SCN9A: variants seen among roughly 807,000 people sequenced by gnomAD.
SCN9A encodes sodium voltage-gated channel alpha subunit 9.
In SCN9A, 131 loss-of-function variants were observed where a neutral mutation model predicts 187.0. The observed-to-expected ratio is 0.70, with a 90% CI of 0.61 to 0.81. The LOEUF is 0.81. Among genes scored for constraint, SCN9A ranks in the 30% least tolerant of loss-of-function variants. The pLI is 0.00. For missense variants in SCN9A, 2,252 were observed against 2,396.6 expected (o/e 0.94, Z 1.26); for synonymous variants, 809 against 808.6 (o/e 1.00, Z -0.01).
In SCN9A at chr2:166,197,770, T is replaced by A. The variant is rs199567774; in HGVS notation, c.*902A>T. On this transcript the variant is annotated 3_prime_UTR_variant, in exon 27 of 27. Coordinates refer to ENST00000642356, the MANE Select transcript of SCN9A (RefSeq NM_001365536.1). Reference sequence around the variant, plus strand: ...AGCAGGAAAATTTGACAAAAGAGTTTAAGAGACTATTATCAGTATTTTGGG... The same window carrying A: ...AGCAGGAAAATTTGACAAAAGAGTTAAAGAGACTATTATCAGTATTTTGGG... 5.3e-5 allele frequency: 8 copies of A among 152,186 alleles called. No individual in the cohort carries two copies. The highest frequency in any genetic ancestry group is 7.4e-5 in the Non-Finnish European group (5 of 68,012). 9.4% of individuals were successfully genotyped at this position (152,186 alleles called of 1,614,324 possible). A position where few individuals can be genotyped will look rare whatever the true frequency, so the allele number is the denominator to read the frequency against.
rs1429595959 is a variant in SCN9A, at chr2:166,293,340, A to G, written c.998T>C (p.Ile333Thr). 3 of 1,609,634 alleles carry G rather than the reference A, an allele frequency of 1.9e-6. No homozygotes were observed. Among genetic ancestry groups the G allele is most frequent in the Middle Eastern group, 1.7e-4 (1 of 6,056 alleles). ...GTAGCCATAATCAGGGTTTCTGCCA[A>G]TTTTCACACAGGTGTACCCCTCTGG... ...QCPEGYTCVK[I>T]GRNPDYGYTS... is the part of the protein sequence containing the mutation. The change falls in exon 9 of 27, where the codon ATT becomes ACT. Residue 333 changes from isoleucine (I) to threonine (T), a missense_variant. This residue lies in a region of SCN9A where 1,013 missense variants were observed against 997.4 expected (regional missense o/e 1.02). Coordinates refer to ENST00000642356, the MANE Select transcript of SCN9A (RefSeq NM_001365536.1).
intron 17 of SCN9A, among the ~76,000 whole-genome samples, chr2:166,267,607 T>C (rs1192729154): frequency 6.6e-6 from 1 of 151,930 alleles, no homozygotes; most frequent in Non-Finnish European, 1.5e-5. Context: ...CCTTTTGATT[T>C]TTTTGGAATA....
chr2:166,312,338 A>G (rs1262519668), intron 1 of SCN9A, among the ~76,000 whole-genome samples: 1 of 152,192 alleles, frequency 6.6e-6, no homozygotes, highest in Non-Finnish European at 1.5e-5. Context: ...CATTCAAGTT[A>G]CCGCGAGATG....
chr2:166,200,249 G>A (rs886330681), intron 26 of SCN9A, among the ~76,000 whole-genome samples: 8 of 151,016 alleles, frequency 5.3e-5, no homozygotes, highest in Non-Finnish European at 8.9e-5. Context: ...CGCCCGCCTC[G>A]GCCTCCCAAA....
intron 18 of SCN9A, among the ~76,000 whole-genome samples, chr2:166,249,125 C>G (rs1338166003): frequency 6.6e-6 from 1 of 152,106 alleles, no homozygotes; most frequent in Non-Finnish European, 1.5e-5. Context: ...TGCACGGCCC[C>G]CTTCAATTTT....
chr2:166,374,562 A>T (rs935707311), intron 1 of SCN9A, among the ~76,000 whole-genome samples: 4 of 152,146 alleles, frequency 2.6e-5, no homozygotes, highest in Non-Finnish European at 5.9e-5. Context: ...ATTTGCAATA[A>T]AATGAACAGT....
chr2:166,211,801 G>A (rs1416414029), intron 24 of SCN9A, among the ~76,000 whole-genome samples: 2 of 151,800 alleles, frequency 1.3e-5, no homozygotes, highest in Non-Finnish European at 2.9e-5. Context: ...AGAAATCATA[G>A]CATATCACAA....
chr2:166,209,323 C>T (rs563275658), intron 24 of SCN9A, among the ~76,000 whole-genome samples: 3 of 151,712 alleles, frequency 2.0e-5, no homozygotes, highest in South Asian at 4.2e-4. Flanking sequence ...AGTTACTGAC[C>T]CTAAAGAAAT....
Position 166,277,336 on chromosome 2 carries a change from G to T in SCN9A, c.2521C>A (p.Arg841=). 1.9e-6 allele frequency: 3 copies of T among 1,590,976 alleles called. No homozygotes were observed. Among genetic ancestry groups the T allele is most frequent in the Non-Finnish European group, 2.6e-6 (3 of 1,162,552 alleles). Residue 841 remains arginine (R), a synonymous_variant, in exon 16 of 27, where the codon CGA becomes AGA. Coordinates refer to ENST00000642356, the MANE Select transcript of SCN9A (RefSeq NM_001365536.1). ...LSVLRSFRLL[R]VFKLAKSWPT... is the part of the protein sequence containing the mutation. ...CAGGATTTTGCCAACTTGAAGACTC[G>T]GAGCTAAAAGCAAATATAAAGTTTA...
intron 16 of SCN9A, among the ~76,000 whole-genome samples, chr2:166,273,258 A>C (rs2106462262): frequency 6.6e-6 from 1 of 152,162 alleles, no homozygotes; most frequent in East Asian, 1.9e-4. Context: ...ATCTATCATT[A>C]CTCTTTATTA....
In SCN9A at chr2:166,348,244, TAA is replaced by T. The variant is rs35280187; in HGVS notation, c.-51+27451_-51+27452del. 4.0e-4 allele frequency among the ~76,000 whole-genome samples: 59 copies of T among 147,426 alleles called. 1 individual carries two copies. Among genetic ancestry groups the T allele is most frequent in the Middle Eastern group, 3.5e-3 (1 of 282 alleles). ...CTAAGAATAGAAAGTCTTCCAACAT[TAA>T]AAAAAAAAAATGACAAGTAGCTATT... On this transcript the variant is annotated intron_variant, in intron 1 of 26. Transcript: ENST00000642356.
intron 1 of SCN9A, among the ~76,000 whole-genome samples, chr2:166,325,218 C>G (rs1260150419): frequency 6.6e-6 from 1 of 151,808 alleles, no homozygotes; most frequent in Non-Finnish European, 1.5e-5. Flanking sequence ...AAATGCATTG[C>G]CATTATCTAT....
intron 1 of SCN9A, among the ~76,000 whole-genome samples, chr2:166,346,709 T>C (rs748452908): frequency 3.9e-5 from 6 of 152,116 alleles, no homozygotes; most frequent in Non-Finnish European, 8.8e-5. Context: ...ACTTACTAAA[T>C]ATGGAGCAGG....
chr2:166,294,154 C>G (rs1559020353), intron 8 of SCN9A, among the ~76,000 whole-genome samples: 3 of 152,042 alleles, frequency 2.0e-5, no homozygotes. Context: ...ATATGTGTAC[C>G]CAAGTCCAAG....
At chr2:166,299,195 CAAAAACCCA>C (rs1698450653) in intron 7 of SCN9A, among the ~76,000 whole-genome samples, 1 of 143,636 alleles carries the variant, frequency 7.0e-6, no homozygotes, top group Admixed American at 6.7e-5. Context: ...AACATCCATA[CAAAAACCCA>C]TATATTTTTT....
At position 166,293,376 on chromosome 2, in the gene SCN9A, C is replaced by A; in HGVS notation, c.966-4G>T. On this transcript the variant is annotated splice_region_variant and splice_polypyrimidine_tract_variant and intron_variant, in intron 8 of 26. Coordinates refer to ENST00000642356, the MANE Select transcript of SCN9A (RefSeq NM_001365536.1). Reference sequence around the variant, plus strand: ...GGTGTACCCCTCTGGACACTGACTACACACGAGAAAGAACATTATAGGTGA... The same window carrying A: ...GGTGTACCCCTCTGGACACTGACTAAACACGAGAAAGAACATTATAGGTGA... 1 of 1,601,552 alleles carries A rather than the reference C, an allele frequency of 6.2e-7. No individual in the cohort carries two copies.
At chr2:166,336,291 G>C (rs1699625800) in intron 1 of SCN9A, among the ~76,000 whole-genome samples, 1 of 152,090 alleles carries the variant, frequency 6.6e-6, no homozygotes, top group Admixed American at 6.6e-5. Flanking sequence ...GGCTCCAACT[G>C]TCAAATTTTT....
At chr2:166,371,449 T>C (rs1700561218) in intron 1 of SCN9A, among the ~76,000 whole-genome samples, 1 of 152,178 alleles carries the variant, frequency 6.6e-6, no homozygotes, top group Non-Finnish European at 1.5e-5. Context: ...CAAGAGCTGA[T>C]GGCTTTTTCT....
chr2:166,311,166 G>T (rs1351703630), intron 2 of SCN9A, among the ~76,000 whole-genome samples: 1 of 127,360 alleles, frequency 7.9e-6, no homozygotes, highest in Non-Finnish European at 1.6e-5. Context: ...GTTAGTGGGT[G>T]CAGCGCACCA....
Sources: gnomAD v4.1 joint callset for allele counts (sites outside exome capture counted in the v4.1 genomes callset) on GRCh38, gnomAD v4.1.1 for gene constraint, gnomAD v4.1.1 regional missense constraint, MANE v1.5 for transcripts, NCBI Gene and HGNC (gene_info 2026-07-23, HGNC 2026-07-21) for gene names.